The following RNF19B variants were observed in gnomAD, a reference collection of about 807,000 sequenced individuals.
RNF19B encodes ring finger protein 19B.
A neutral mutation model predicts 65.5 loss-of-function variants in RNF19B; 23 were observed. The observed-to-expected ratio is 0.35, with a 90% CI of 0.25 to 0.50. RNF19B has a LOEUF of 0.50. RNF19B is among the 20% of genes least tolerant of loss of function. RNF19B has a pLI of 0.98. For missense variants in RNF19B, 794 were observed against 980.0 expected (o/e 0.81, Z 2.53); for synonymous variants, 372 against 379.6 (o/e 0.98, Z 0.23).
At position 32,953,701 on chromosome 1, in the gene RNF19B, G is replaced by A. The variant is rs146595362; in HGVS notation, c.636-3927C>T. Among the ~76,000 whole-genome samples the A allele has an allele frequency of 1.8e-4, 27 of 152,040 alleles. 1 individual carries two copies. The highest frequency in any genetic ancestry group is 4.6e-4 in the African/African-American group (19 of 41,506). ...AAAATAACTACTAAAGATAAACAAC[G>A]TGTCTCCTCAAGACAGTGACTAGCT... On this transcript the variant is annotated intron_variant, in intron 1 of 8. Coordinates refer to ENST00000235150, the MANE Select transcript of RNF19B (RefSeq NM_001300826.2).
intron 1 of RNF19B, among the ~76,000 whole-genome samples, chr1:32,956,700 T>C (rs1238181293): frequency 1.3e-5 from 2 of 152,138 alleles, no homozygotes; most frequent in African/African-American, 2.4e-5. Flanking sequence ...CTTCATAAAG[T>C]GACAAGCTAG....
At position 32,948,803 on chromosome 1, in the gene RNF19B, T is replaced by C. The variant is rs1050730266; in HGVS notation, c.842-440A>G. On this transcript the variant is annotated intron_variant, in intron 2 of 8. Coordinates refer to ENST00000235150, the MANE Select transcript of RNF19B (RefSeq NM_001300826.2). Reference sequence around the variant, plus strand: ...TATTTTTCAGGTTCAACATGTATCATTGTGATTTGCTGTTAACATAGCCCA... The same window carrying C: ...TATTTTTCAGGTTCAACATGTATCACTGTGATTTGCTGTTAACATAGCCCA... 6.6e-5 allele frequency among the ~76,000 whole-genome samples: 10 copies of C among 152,256 alleles called. No individual in the cohort carries two copies. In the South Asian group the frequency reaches 1.0e-3, roughly 16 times the overall value.
In RNF19B at chr1:32,964,074, G is replaced by A. The variant is rs1642838513; in HGVS notation, c.612C>T (p.Arg204=). ...ACCCGCAGTCCGGGGCCGGGCACCAGCGGCAGTCGGGGTCCGAGGCTAGGT... is the reference window on the plus strand; with the variant it reads ...ACCCGCAGTCCGGGGCCGGGCACCAACGGCAGTCGGGGTCCGAGGCTAGGT... ...RRYLASDPDC[R]WCPAPDCGYA... Residue 204 remains arginine, a synonymous_variant, in exon 1 of 9, where the codon CGC becomes CGT. Transcript: ENST00000235150. The surrounding 1 kb of genome is among the most constrained non-coding windows in gnomAD (Gnocchi z 6.5). 6.6e-7 allele frequency: 1 copy of A among 1,519,420 alleles called. No individual in the cohort carries two copies. Among genetic ancestry groups the A allele is most frequent in the African/African-American group, 1.4e-5 (1 of 69,342 alleles). The allele number at this position is 1,519,420 out of a possible 1,614,324, so 94.1% of individuals were successfully genotyped here.
chr1:32,948,350 T>C lies in RNF19B; in HGVS notation c.855A>G (p.Pro285=). 6.2e-7 allele frequency: 1 copy of C among 1,613,660 alleles called. No homozygotes were observed. Among genetic ancestry groups the C allele is most frequent in the Non-Finnish European group, 8.5e-7 (1 of 1,179,702 alleles). The change falls in exon 3 of 9, where the codon CCA becomes CCG. Residue 285 remains proline (P), a synonymous_variant. Transcript: ENST00000235150. The part of the protein sequence containing the change: ...GQESGPDDIK[P]CPRCSAYIIK... The stretch of plus-strand genomic sequence containing the variant: ...TAATGTATGCACTGCATCGTGGGCA[T>C]GGCTTGATGTCATCTGCTATGAGTG...
At chr1:32,957,798 C>T (rs1642674697) in intron 1 of RNF19B, among the ~76,000 whole-genome samples, 1 of 152,206 alleles carries the variant, frequency 6.6e-6, no homozygotes, top group Admixed American at 6.5e-5. Context: ...GGCACAACTG[C>T]ACTCCAGCCT....
intron 1 of RNF19B, among the ~76,000 whole-genome samples, chr1:32,958,718 TA>T (rs746169988): frequency 5.4e-3 from 708 of 131,976 alleles, no homozygotes; most frequent in Middle Eastern, 8.9e-3. Flanking sequence ...AGACTCCATC[TA>T]AAAAAAAAAA....
chr1:32,947,197 A>G (rs527677088), intron 3 of RNF19B, among the ~76,000 whole-genome samples: 1 of 152,300 alleles, frequency 6.6e-6, no homozygotes, highest in African/African-American at 2.4e-5. Flanking sequence ...TATGTCCCCA[A>G]TGACTAGCAC....
Position 32,964,745 on chromosome 1 carries a change from C to A in RNF19B, c.-60G>T. The A allele has an allele frequency of 1.5e-6, 2 of 1,313,574 alleles. No individual in the cohort carries two copies. Among genetic ancestry groups the A allele is most frequent in the Non-Finnish European group, 9.7e-7 (1 of 1,033,148 alleles). The allele number at this position is 1,313,574 out of a possible 1,614,324, so 81.4% of individuals were successfully genotyped here. Reference sequence around the variant, plus strand: ...CGCCGCCACAGCTCCCGCCTCAGCGCCCCTCAGCCAGCGCCCGGCCGCCGC... The same window carrying A: ...CGCCGCCACAGCTCCCGCCTCAGCGACCCTCAGCCAGCGCCCGGCCGCCGC... On this transcript the variant is annotated 5_prime_UTR_variant, in exon 1 of 9. Coordinates refer to ENST00000235150, the MANE Select transcript of RNF19B (RefSeq NM_001300826.2). This position sits in a 1 kb window ranked among gnomAD's most constrained non-coding sequence, Gnocchi z 6.5.
intron 8 of RNF19B, chr1:32,938,185 G>T: frequency 1.9e-5 from 5 of 266,026 alleles, no homozygotes; most frequent in East Asian, 5.9e-5. Context: ...AAGGAAGAAA[G>T]AAAAGAAATC....
intron 7 of RNF19B, among the ~76,000 whole-genome samples, chr1:32,939,302 C>T (rs1642178332): frequency 6.6e-6 from 1 of 152,180 alleles, no homozygotes; most frequent in Admixed American, 6.5e-5. Context: ...ATTCTCCTGC[C>T]TCAGCCTCCC....
At chr1:32,942,177 G>T in intron 7 of RNF19B, 75 bp downstream of exon 7, 1 of 1,195,306 alleles carries the variant, frequency 8.4e-7, no homozygotes, top group Non-Finnish European at 1.2e-6. Context: ...GCACAAGCCT[G>T]GCACAGAGAA....
Position 32,945,613 on chromosome 1 carries a change from C to T in RNF19B, c.1162G>A (p.Glu388Lys), listed in dbSNP as rs375304223. The T allele has an allele frequency of 6.2e-7, 1 of 1,608,400 alleles. No individual in the cohort carries two copies. Among genetic ancestry groups the T allele is most frequent in the Non-Finnish European group, 8.5e-7 (1 of 1,174,742 alleles). ...TTGTGTTTGGAGGTTTTCCTTCCCT[C>T]ATACCTGCTGTGAATCTAAGAATAA... is the stretch of plus-strand genomic sequence containing the variant. ...YVGRKIHSRY[E>K]GRKTSKHKRN... is the part of the protein sequence containing the mutation. The change falls in exon 5 of 9, where the codon GAG (glutamate) becomes AAG (lysine). Residue 388 changes from glutamate (E) to lysine (K), a missense_variant. Around this residue, in one of 3 missense-constraint regions of RNF19B, gnomAD observed 368 missense variants for 447.3 expected, o/e 0.82. Transcript: ENST00000235150.
At chr1:32,944,852 C>T (rs1252017419) in intron 5 of RNF19B, among the ~76,000 whole-genome samples, 8 of 152,104 alleles carry the variant, frequency 5.3e-5, no homozygotes, top group African/African-American at 1.9e-4. Flanking sequence ...CCACACCCGG[C>T]TGATTTTCTG....
chr1:32,933,440 G>A (rs1642053633), downstream of RNF19B, among the ~76,000 whole-genome samples: 2 of 151,930 alleles, frequency 1.3e-5, no homozygotes, highest in South Asian at 4.2e-4. Flanking sequence ...ATTTTTAGTA[G>A]AGACGGGGTT....
chr1:32,950,169 C>T (rs909839205), intron 1 of RNF19B, among the ~76,000 whole-genome samples: 1 of 152,078 alleles, frequency 6.6e-6, no homozygotes, highest in Non-Finnish European at 1.5e-5. Flanking sequence ...GATGGGGTTT[C>T]ACCATGTTGG....
intron 3 of RNF19B, among the ~76,000 whole-genome samples, chr1:32,947,517 G>T (rs1415663409): frequency 1.3e-5 from 2 of 152,044 alleles, no homozygotes; most frequent in African/African-American, 4.8e-5. Flanking sequence ...AAATTAGCTG[G>T]GCATGGTGGC....
At position 32,964,661 on chromosome 1, in the gene RNF19B, ACTCGGAGTCCTT is replaced by A; in HGVS notation, c.13_24del (p.Lys5_Glu8del). The A allele has an allele frequency of 6.8e-7, 1 of 1,472,366 alleles. No individual in the cohort carries two copies. The highest frequency in any genetic ancestry group is 3.1e-5 in the East Asian group (1 of 32,514). 91.2% of individuals were successfully genotyped at this position (1,472,366 alleles called of 1,614,324 possible). A position where few individuals can be genotyped will look rare whatever the true frequency, so the allele number is the denominator to read the frequency against. ...GCATGTAGCGATGTGGAGCGCGGCG[ACTCGGAGTCCTT>A]CTCGGAGCCCATGGCCGGCAGAGGC... On this transcript the variant is annotated inframe_deletion, in exon 1 of 9. Coordinates refer to ENST00000235150, the MANE Select transcript of RNF19B (RefSeq NM_001300826.2). The surrounding 1 kb of genome is among the most constrained non-coding windows in gnomAD (Gnocchi z 6.5).
At chr1:32,951,939 C>G (rs539448308) in intron 1 of RNF19B, among the ~76,000 whole-genome samples, 1 of 149,810 alleles carries the variant, frequency 6.7e-6, no homozygotes, top group East Asian at 2.0e-4. Flanking sequence ...GGATTACAGG[C>G]GCCCGCCACC....
chr1:32,942,053 C>A (rs561046019), intron 7 of RNF19B, among the ~76,000 whole-genome samples, 199 bp downstream of exon 7: 1 of 152,150 alleles, frequency 6.6e-6, no homozygotes, highest in African/African-American at 2.4e-5. Flanking sequence ...GCCGAGATCA[C>A]GCCATGGCAC....
Sources: gnomAD v4.1 joint callset for allele counts (sites outside exome capture counted in the v4.1 genomes callset) on GRCh38, gnomAD v4.1.1 for gene constraint, gnomAD v4.1.1 regional missense constraint, Gnocchi (gnomAD v3.1) non-coding constraint, MANE v1.5 for transcripts, NCBI Gene and HGNC (gene_info 2026-07-23, HGNC 2026-07-21) for gene names.